The following HLA-DMB variants were observed in gnomAD, a reference collection of about 807,000 sequenced individuals.
HLA-DMB encodes the protein major histocompatibility complex, class II, DM beta, also known as HLA class II histocompatibility antigen, DM beta chain.
In HLA-DMB, 18 loss-of-function variants were observed where a neutral mutation model predicts 29.3. The ratio of observed to expected loss-of-function variants is 0.62; its 90% CI spans 0.43 to 0.91. The LOEUF (loss-of-function observed/expected upper bound fraction) is 0.91, where lower values mean the gene tolerates loss of function less well. Ranked by LOEUF, HLA-DMB falls within the 40% of genes least tolerant of loss-of-function variation. HLA-DMB has a pLI of 0.00. For synonymous variants in HLA-DMB, 143 were observed against 128.7 expected (o/e 1.11, Z -0.75); for missense variants, 258 against 320.9 (o/e 0.80, Z 1.50).
In HLA-DMB at chr6:32,937,003, A is replaced by G; in HGVS notation, c.622+169T>C. 2.0e-6 allele frequency: 1 copy of G among 493,268 alleles called. No homozygotes were observed. The highest frequency in any genetic ancestry group is 3.9e-5 in the Admixed American group (1 of 25,820). The allele number at this position is 493,268 out of a possible 1,614,324, so 30.6% of individuals were successfully genotyped here. A position where few individuals can be genotyped will look rare whatever the true frequency, so the allele number is the denominator to read the frequency against. ...CAATTACTTTTGCACCAACCTAAAT[A>G]TTTCCATTTCTTTATCCCATTTCCC... On this transcript the variant is annotated intron_variant, in intron 3 of 5. Transcript: ENST00000418107. This position sits in a 1 kb window ranked among gnomAD's most constrained non-coding sequence, Gnocchi z 4.1.
In HLA-DMB at chr6:32,940,951, G is replaced by T; in HGVS notation, c.-144C>A. On this transcript the variant is annotated 5_prime_UTR_variant, in exon 1 of 6. Transcript: ENST00000418107. ...GAATACTATATTGCCCGGGTCCCTTGACCCCCCAAATGAGTGATGTGGGGA... is the reference window on the plus strand; with the variant it reads ...GAATACTATATTGCCCGGGTCCCTTTACCCCCCAAATGAGTGATGTGGGGA... 1 of 587,580 alleles carries T rather than the reference G, an allele frequency of 1.7e-6. No individual in the cohort carries two copies. The highest frequency in any genetic ancestry group is 3.0e-6 in the Non-Finnish European group (1 of 329,364). The allele number at this position is 587,580 out of a possible 1,614,324, so 36.4% of individuals were successfully genotyped here. A position where few individuals can be genotyped will look rare whatever the true frequency, so the allele number is the denominator to read the frequency against.
rs1476267663 is a variant in HLA-DMB, at chr6:32,937,043, GC to G, written c.622+128del. ...TCCCATTTCCCCATTCTGGTCCTAA[GC>G]CCCCCGTAAGTTCCTCCAGACTCAG... On this transcript the variant is annotated intron_variant, in intron 3 of 5. Coordinates refer to ENST00000418107, the MANE Select transcript of HLA-DMB (RefSeq NM_002118.5). The surrounding 1 kb of genome is among the most constrained non-coding windows in gnomAD (Gnocchi z 4.1). The G allele has an allele frequency of 3.0e-6, 2 of 672,756 alleles. No individual in the cohort carries two copies. The highest frequency in any genetic ancestry group is 2.4e-6 in the Non-Finnish European group (1 of 417,242). 41.7% of individuals were successfully genotyped at this position (672,756 alleles called of 1,614,324 possible).
At chr6:32,938,661 C>A (rs755915150) in intron 2 of HLA-DMB, 23 bp downstream of exon 2, 19 of 1,463,932 alleles carry the variant, frequency 1.3e-5, no homozygotes, top group Non-Finnish European at 1.6e-5. Context: ...CCTGGTAGCC[C>A]CTCTGCACCC....
At position 32,937,853 on chromosome 6, in the gene HLA-DMB, A is replaced by G; in HGVS notation, c.338-397T>C. The G allele has an allele frequency of 1.0e-5, 2 of 191,186 alleles. No individual in the cohort carries two copies. The highest frequency in any genetic ancestry group is 2.1e-5 in the Non-Finnish European group (2 of 93,934). The allele number at this position is 191,186 out of a possible 1,614,324, so 11.8% of individuals were successfully genotyped here. A position where few individuals can be genotyped will look rare whatever the true frequency, so the allele number is the denominator to read the frequency against. ...TAAGGTGGAAAAGGAATTTTTCTCC[A>G]AATCTTGTTTAATACGTTCTTTTGC... On this transcript the variant is annotated intron_variant, in intron 2 of 5. Coordinates refer to ENST00000418107, the MANE Select transcript of HLA-DMB (RefSeq NM_002118.5). The surrounding 1 kb of genome is among the most constrained non-coding windows in gnomAD (Gnocchi z 4.1).
chr6:32,935,533 C>T lies in HLA-DMB; in HGVS notation c.739+3G>A, dbSNP rs1402329954. Reference sequence around the variant, plus strand: ...GGGGATGGGAGTTCAGCGAGTCACTCACTAGAGTGGCCAGCTCTCCGCCAG... The same window carrying T: ...GGGGATGGGAGTTCAGCGAGTCACTTACTAGAGTGGCCAGCTCTCCGCCAG... On this transcript the variant is annotated splice_donor_region_variant and intron_variant, in intron 4 of 5. Coordinates refer to ENST00000418107, the MANE Select transcript of HLA-DMB (RefSeq NM_002118.5). The T allele has an allele frequency of 1.9e-6, 3 of 1,609,614 alleles. No homozygotes were observed. The highest frequency in any genetic ancestry group is 2.2e-5 in the South Asian group (2 of 91,016).
At position 32,936,844 on chromosome 6, in the gene HLA-DMB, C is replaced by T. The variant is rs569713901; in HGVS notation, c.622+328G>A. The T allele has an allele frequency of 1.4e-4, 35 of 252,218 alleles. No individual in the cohort carries two copies. In the South Asian group the frequency reaches 5.4e-3, roughly 39 times the overall value. The allele number at this position is 252,218 out of a possible 1,614,324, so 15.6% of individuals were successfully genotyped here. ...TTACAGCCTCATTTCAAAGCAAGCACGCTCCCCTCTCACCCTCAAACATAG... is the reference window on the plus strand; with the variant it reads ...TTACAGCCTCATTTCAAAGCAAGCATGCTCCCCTCTCACCCTCAAACATAG... On this transcript the variant is annotated intron_variant, in intron 3 of 5. Coordinates refer to ENST00000418107, the MANE Select transcript of HLA-DMB (RefSeq NM_002118.5).
Position 32,940,840 on chromosome 6 carries a change from C to A in HLA-DMB, c.-33G>T, listed in dbSNP as rs941825287. ...TCTGTAAAGATGCCGGGAGTTCAGT[C>A]CCCTGGACCAGCTCTTCCAGGGTCC... On this transcript the variant is annotated 5_prime_UTR_variant, in exon 1 of 6. Coordinates refer to ENST00000418107, the MANE Select transcript of HLA-DMB (RefSeq NM_002118.5). The A allele has an allele frequency of 1.9e-6, 3 of 1,559,998 alleles. No homozygotes were observed. The highest frequency in any genetic ancestry group is 1.2e-5 in the South Asian group (1 of 85,256).
chr6:32,935,989 C>T (rs1582810375), intron 3 of HLA-DMB: 3 of 312,752 alleles, frequency 9.6e-6, no homozygotes, highest in South Asian at 1.2e-4. Context: ...TCACTGTCCT[C>T]TCCATTGCCC....
intron 5 of HLA-DMB, 57 bp downstream of exon 5, chr6:32,935,285 T>C: frequency 1.4e-6 from 2 of 1,417,098 alleles, no homozygotes; most frequent in Admixed American, 1.7e-5. Flanking sequence ...CACTGACCCC[T>C]CTAACCCGCA....
At chr6:32,938,509 G>T (rs1001033728) in intron 2 of HLA-DMB, 175 bp downstream of exon 2, 11 of 584,908 alleles carry the variant, frequency 1.9e-5, no homozygotes, top group Non-Finnish European at 2.1e-5. Context: ...TTCCACTCAC[G>T]TCAGCCACCT....
In HLA-DMB at chr6:32,934,652, T is replaced by C; in HGVS notation, c.*319A>G. ...AAAACAATATTTCCACCAAAGTTTATTTCTCTGAAACAATCACCAGTTGCT... is the reference window on the plus strand; with the variant it reads ...AAAACAATATTTCCACCAAAGTTTACTTCTCTGAAACAATCACCAGTTGCT... On this transcript the variant is annotated 3_prime_UTR_variant, in exon 6 of 6. Coordinates refer to ENST00000418107, the MANE Select transcript of HLA-DMB (RefSeq NM_002118.5). The C allele has an allele frequency of 2.8e-6, 1 of 361,062 alleles. No individual in the cohort carries two copies. Among genetic ancestry groups the C allele is most frequent in the Non-Finnish European group, 5.0e-6 (1 of 200,676 alleles). 22.4% of individuals were successfully genotyped at this position (361,062 alleles called of 1,614,324 possible).
At chr6:32,939,157 T>G (rs1776199562) in intron 1 of HLA-DMB, among the ~76,000 whole-genome samples, 192 bp from the exon 2 acceptor site, 1 of 152,324 alleles carries the variant, frequency 6.6e-6, no homozygotes, top group Admixed American at 6.5e-5. Context: ...GCTTAGAATT[T>G]CCTAGATAAC....
intron 1 of HLA-DMB, among the ~76,000 whole-genome samples, chr6:32,939,388 G>T (rs1019228079): frequency 6.6e-6 from 1 of 152,246 alleles, no homozygotes; most frequent in African/African-American, 2.4e-5. Context: ...GAACTTCTCA[G>T]TTGGTAAACA....
chr6:32,935,720 C>A, intron 3 of HLA-DMB, 68 bp from the exon 4 acceptor site: 1 of 1,111,288 alleles, frequency 9.0e-7, no homozygotes, highest in Non-Finnish European at 1.4e-6. Context: ...CCATTTATTG[C>A]AGCCACCTCT....
intron 5 of HLA-DMB, 93 bp downstream of exon 5, chr6:32,935,249 T>A: frequency 1.9e-6 from 2 of 1,056,556 alleles, no homozygotes; most frequent in Non-Finnish European, 3.0e-6. Context: ...CTCACCCATA[T>A]AATAATCAAG....
In HLA-DMB at chr6:32,938,923, T is replaced by C; in HGVS notation, c.98A>G (p.Asp33Gly). 3 of 1,603,246 alleles carry C rather than the reference T, an allele frequency of 1.9e-6. No homozygotes were observed. Among genetic ancestry groups the C allele is most frequent in the Non-Finnish European group, 2.6e-6 (3 of 1,175,436 alleles). The part of the protein sequence containing the change: ...AHVESTCLLD[D>G]AGTPKDFTYC... ...TGTGAAATCCTTTGGAGTCCCAGCATCATCCAACAGACAGGTGCTTTCCAC... is the reference window on the plus strand; with the variant it reads ...TGTGAAATCCTTTGGAGTCCCAGCACCATCCAACAGACAGGTGCTTTCCAC... The change falls in exon 2 of 6, where the codon GAT becomes GGT. Residue 33 changes from aspartate to glycine, a missense_variant. By Grantham distance (94) the Asp-to-Gly change is moderately conservative (BLOSUM62 -1). Coordinates refer to ENST00000418107, the MANE Select transcript of HLA-DMB (RefSeq NM_002118.5).
In HLA-DMB at chr6:32,935,352, A is replaced by AT. The variant is rs867964118; in HGVS notation, c.764dup (p.Asn255LysfsTer21). The stretch of plus-strand genomic sequence containing the variant: ...CAACAGAGATGTTACCTTCTGAATA[A>AT]TTGGACCCAGGAAGAGGAGTGTAAC... On this transcript the variant is annotated frameshift_variant, in exon 5 of 6. Coordinates refer to ENST00000418107, the MANE Select transcript of HLA-DMB (RefSeq NM_002118.5). LOFTEE classifies it high-confidence loss of function. 1.9e-6 allele frequency: 3 copies of AT among 1,611,252 alleles called. No individual in the cohort carries two copies. The African/African-American group carries it at 4.0e-5, about 22-fold the overall frequency.
intron 3 of HLA-DMB, 197 bp downstream of exon 3, chr6:32,936,975 C>A: frequency 5.0e-6 from 2 of 402,188 alleles, no homozygotes; most frequent in Non-Finnish European, 8.7e-6. Context: ...ATGGCAAAAA[C>A]TGCAATTACT....
At chr6:32,936,524 T>C (rs184162317) in intron 3 of HLA-DMB, 2 of 152,412 alleles carry the variant, frequency 1.3e-5, no homozygotes, top group Admixed American at 1.3e-4. Flanking sequence ...CTTCTCACGA[T>C]ACCTTTAACT....
Sources: gnomAD v4.1 joint callset for allele counts (sites outside exome capture counted in the v4.1 genomes callset) on GRCh38, gnomAD v4.1.1 for gene constraint, Gnocchi (gnomAD v3.1) non-coding constraint, MANE v1.5 for transcripts, NCBI Gene and HGNC (gene_info 2026-07-23, HGNC 2026-07-21) for gene names.